CACNA2D3: variants seen among roughly 807,000 people sequenced by gnomAD.
CACNA2D3 encodes calcium voltage-gated channel auxiliary subunit alpha2delta 3.
CACNA2D3 carries 60 observed loss-of-function variants against 160.6 expected under a neutral mutation model. The observed-to-expected ratio is 0.37, with a 90% CI of 0.30 to 0.46. The LOEUF is 0.46. Ranked by LOEUF, CACNA2D3 falls within the 20% of genes least tolerant of loss-of-function variation. The probability of loss-of-function intolerance (pLI) is 1.00; values close to 1 mark genes in which losing one functional copy is unlikely to be tolerated. For missense variants in CACNA2D3, 1,205 were observed against 1,365.0 expected (o/e 0.88, Z 1.85); for synonymous variants, 558 against 492.9 (o/e 1.13, Z -1.75).
chr3:54,659,575 T>C (rs747384506), intron 11 of CACNA2D3, among the ~76,000 whole-genome samples: 29 of 152,192 alleles, frequency 1.9e-4, no homozygotes, highest in Non-Finnish European at 2.9e-4. Context: ...TCCTTGGGAA[T>C]GCAGAGAGCA....
chr3:54,126,314 G>A (rs1173580144), intron 2 of CACNA2D3, among the ~76,000 whole-genome samples: 1 of 152,176 alleles, frequency 6.6e-6, no homozygotes, highest in African/African-American at 2.4e-5. Context: ...TGGGAAAACT[G>A]CCATTTTGGT....
intron 13 of CACNA2D3, among the ~76,000 whole-genome samples, chr3:54,770,222 A>G (rs1462202591): frequency 6.6e-6 from 1 of 152,212 alleles, no homozygotes; most frequent in Non-Finnish European, 1.5e-5. Context: ...TTCTGTTTTT[A>G]GTAGTGGTAT....
chr3:54,402,741 G>A (rs1464453140), intron 4 of CACNA2D3, among the ~76,000 whole-genome samples: 6 of 152,044 alleles, frequency 3.9e-5, no homozygotes, highest in Non-Finnish European at 8.8e-5. Flanking sequence ...AATTAATAAG[G>A]AAATACTGTA....
chr3:54,922,827 C>A (rs1475788070), intron 27 of CACNA2D3, among the ~76,000 whole-genome samples: 1 of 152,184 alleles, frequency 6.6e-6, no homozygotes, highest in Non-Finnish European at 1.5e-5. Context: ...TCACTCCCCC[C>A]AGTCCCCTCT....
At chr3:54,123,232 C>T (rs1699512342) in intron 1 of CACNA2D3, among the ~76,000 whole-genome samples, 1 of 151,974 alleles carries the variant, frequency 6.6e-6, no homozygotes, top group Non-Finnish European at 1.5e-5. Flanking sequence ...GTCGAGTCCT[C>T]GGGCAGTGGT....
At chr3:54,590,418 G>T (rs370616001) in intron 9 of CACNA2D3, among the ~76,000 whole-genome samples, 2 of 152,118 alleles carry the variant, frequency 1.3e-5, no homozygotes, top group Non-Finnish European at 2.9e-5. Flanking sequence ...GTTGCCAGGG[G>T]TTAGGCATGG....
intron 2 of CACNA2D3, among the ~76,000 whole-genome samples, chr3:54,142,592 G>GTGATGATGA (rs929085038): frequency 6.6e-6 from 1 of 151,970 alleles, no homozygotes; most frequent in African/African-American, 2.4e-5. Context: ...CCTGATGATG[G>GTGATGATGA]TGATGATGAT....
chr3:54,375,091 G>T (rs2107551992), intron 3 of CACNA2D3, among the ~76,000 whole-genome samples: 1 of 152,270 alleles, frequency 6.6e-6, no homozygotes, highest in East Asian at 1.9e-4. Flanking sequence ...TTGTCTTTCA[G>T]GTCTCAGTGT....
Position 54,726,477 on chromosome 3 carries a change from A to T in CACNA2D3, c.1168-26122A>T, listed in dbSNP as rs560264329. 4.6e-5 allele frequency among the ~76,000 whole-genome samples: 7 copies of T among 152,342 alleles called. No homozygotes were observed. The South Asian group carries it at 1.5e-3, about 32-fold the overall frequency. ...AAGACAATCCTGGGCAAGAAGAGCA[A>T]GGCTGGAGGCATCACACTACCTGAC... On this transcript the variant is annotated intron_variant, in intron 11 of 37. Transcript: ENST00000474759.
At chr3:54,526,943 A>T (rs943623899) in intron 5 of CACNA2D3, among the ~76,000 whole-genome samples, 2 of 152,194 alleles carry the variant, frequency 1.3e-5, no homozygotes, top group Non-Finnish European at 2.9e-5. Flanking sequence ...TGCCCACCTC[A>T]GCCTCCCGAA....
rs1052543104 is a variant in CACNA2D3, at chr3:54,637,106, T to C, written c.1054-5022T>C. Among the ~76,000 whole-genome samples the C allele has an allele frequency of 3.2e-4, 48 of 152,106 alleles. 2 individuals carry two copies. The highest frequency in any genetic ancestry group is 1.1e-3 in the African/African-American group (45 of 41,374). ...CAGATCCTGAACTAACTTGTAAGGCTTGTCCGGTTTTAGGACAGGTAAAAT... is the reference window on the plus strand; with the variant it reads ...CAGATCCTGAACTAACTTGTAAGGCCTGTCCGGTTTTAGGACAGGTAAAAT... On this transcript the variant is annotated intron_variant, in intron 10 of 37. Coordinates refer to ENST00000474759, the MANE Select transcript of CACNA2D3 (RefSeq NM_018398.3).
chr3:54,561,988 C>T (rs545098529), intron 5 of CACNA2D3, among the ~76,000 whole-genome samples: 20 of 152,256 alleles, frequency 1.3e-4, no homozygotes, highest in Non-Finnish European at 2.1e-4. Flanking sequence ...TCTCAGGTCT[C>T]GTGAGACTTA....
intron 14 of CACNA2D3, among the ~76,000 whole-genome samples, chr3:54,834,796 C>A (rs901322860): frequency 6.6e-6 from 1 of 152,132 alleles, no homozygotes; most frequent in African/African-American, 2.4e-5. Context: ...GTGGGGCTGG[C>A]AAGTCTGAAA....
At position 54,811,509 on chromosome 3, in the gene CACNA2D3, T is replaced by A. The variant is rs1304140424; in HGVS notation, c.1381-5344T>A. On this transcript the variant is annotated intron_variant, in intron 13 of 37. Coordinates refer to ENST00000474759, the MANE Select transcript of CACNA2D3 (RefSeq NM_018398.3). ...TTTTTTTTTTTTTTTTTTTTTTTTTTTTTTTTGAGACAGCATCTCACTCTG... is the reference window on the plus strand; with the variant it reads ...TTTTTTTTTTTTTTTTTTTTTTTTTATTTTTTGAGACAGCATCTCACTCTG... Among the ~76,000 whole-genome samples the A allele has an allele frequency of 4.8e-4, 34 of 70,498 alleles. 2 individuals carry two copies. In the South Asian group the frequency reaches 5.0e-3, roughly 10 times the overall value. 46.2% of individuals were successfully genotyped at this position (70,498 alleles called of 152,430 possible).
intron 11 of CACNA2D3, among the ~76,000 whole-genome samples, chr3:54,730,508 C>G (rs983794657): frequency 6.6e-6 from 1 of 150,620 alleles, no homozygotes; most frequent in Non-Finnish European, 1.5e-5. Flanking sequence ...TTCTTTCTTT[C>G]CTTTCTTTCT....
At position 54,171,020 on chromosome 3, in the gene CACNA2D3, C is replaced by A. The variant is rs566147471; in HGVS notation, c.204+47426C>A. Among the ~76,000 whole-genome samples the A allele has an allele frequency of 8.6e-5, 13 of 151,544 alleles. No homozygotes were observed. In the South Asian group the frequency reaches 1.9e-3, roughly 22 times the overall value. ...ACCGTCCGACTCAGGGAGGAGAAAGCGTGTGGACCAAATGTTCCTGAAGGA... is the reference window on the plus strand; with the variant it reads ...ACCGTCCGACTCAGGGAGGAGAAAGAGTGTGGACCAAATGTTCCTGAAGGA... On this transcript the variant is annotated intron_variant, in intron 2 of 37. Coordinates refer to ENST00000474759, the MANE Select transcript of CACNA2D3 (RefSeq NM_018398.3).
intron 3 of CACNA2D3, among the ~76,000 whole-genome samples, chr3:54,361,448 C>T (rs1456363411): frequency 6.6e-6 from 1 of 152,124 alleles, no homozygotes. Flanking sequence ...TCAGGTTTTG[C>T]TTTTGAGCAT....
chr3:54,403,423 G>C (rs1406255356), intron 4 of CACNA2D3, among the ~76,000 whole-genome samples: 1 of 150,974 alleles, frequency 6.6e-6, no homozygotes, highest in Admixed American at 6.6e-5. Context: ...AATATCTTGA[G>C]ACAAAAGGTA....
intron 11 of CACNA2D3, among the ~76,000 whole-genome samples, chr3:54,684,507 C>CAGCAT (rs1700413649): frequency 6.6e-6 from 1 of 152,300 alleles, no homozygotes; most frequent in East Asian, 1.9e-4. Flanking sequence ...TCTGAAGTTA[C>CAGCAT]CTGTTTTGCC....
Sources: gnomAD v4.1 joint callset for allele counts (sites outside exome capture counted in the v4.1 genomes callset) on GRCh38, gnomAD v4.1.1 for gene constraint, MANE v1.5 for transcripts, NCBI Gene and HGNC (gene_info 2026-07-23, HGNC 2026-07-21) for gene names.